Variants in CCSER1 observed in about 807,000 individuals in gnomAD.
The protein encoded by CCSER1 is serine-rich coiled-coil domain-containing protein 1.
Under a neutral mutation model 82.0 loss-of-function variants are expected in CCSER1, and 41 were observed. The observed-to-expected ratio is 0.50, with a 90% CI of 0.39 to 0.65. The LOEUF is 0.65. Among genes scored for constraint, CCSER1 ranks in the 30% least tolerant of loss-of-function variants. The probability of loss-of-function intolerance (pLI) is 0.00; values close to 1 mark genes in which losing one functional copy is unlikely to be tolerated. For synonymous variants in CCSER1, 414 were observed against 383.9 expected, an observed-to-expected ratio of 1.08 and a Z score of -0.92; for missense variants, 1,119 against 1,064.2, an observed-to-expected ratio of 1.05 and a Z score of -0.72.
chr4:91,114,479 T>C (rs935709686), intron 10 of CCSER1, among the ~76,000 whole-genome samples: 12 of 152,172 alleles, frequency 7.9e-5, no homozygotes, highest in Non-Finnish European at 1.2e-4. Flanking sequence ...TAACTCTGCT[T>C]TTGGAGAGTC....
chr4:91,333,096 G>A (rs985189168), intron 10 of CCSER1, among the ~76,000 whole-genome samples: 10 of 151,730 alleles, frequency 6.6e-5, no homozygotes, highest in South Asian at 4.2e-4. Context: ...GGCAATCTTC[G>A]CGAAACATCT....
chr4:90,484,846 C>G (rs554857995), intron 5 of CCSER1, among the ~76,000 whole-genome samples: 4 of 152,344 alleles, frequency 2.6e-5, no homozygotes, highest in African/African-American at 7.2e-5. Flanking sequence ...AGGAGACAGT[C>G]TGCTCATTCT....
chr4:90,150,510 G>T (rs17016581), intron 1 of CCSER1, among the ~76,000 whole-genome samples: 51,987 of 151,784 alleles, frequency 0.34, 11,137 homozygotes, highest in East Asian at 0.65. Flanking sequence ...TGTAGAAAAC[G>T]CACCTTTTGT....
At position 90,364,890 on chromosome 4, in the gene CCSER1, A is replaced by AT. The variant is rs201581634; in HGVS notation, c.1510-35137dup. Among the ~76,000 whole-genome samples the AT allele has an allele frequency of 2.3e-4, 34 of 151,026 alleles. 1 individual carries two copies. The South Asian group carries it at 4.8e-3, about 21-fold the overall frequency. On this transcript the variant is annotated intron_variant, in intron 3 of 10. Transcript: ENST00000509176. The stretch of plus-strand genomic sequence containing the variant: ...GAAACAAAAAATTATAAACTAACCT[A>AT]TTTTTTTTTCATTAATCCATACAAT...
chr4:90,345,104 A>C (rs996993037), intron 3 of CCSER1, among the ~76,000 whole-genome samples: 3 of 152,124 alleles, frequency 2.0e-5, no homozygotes, highest in African/African-American at 7.2e-5. Context: ...TTTTATTGTC[A>C]AAACTAAATA....
At chr4:90,241,149 A>T (rs1300311241) in intron 1 of CCSER1, among the ~76,000 whole-genome samples, 1 of 152,192 alleles carries the variant, frequency 6.6e-6, no homozygotes, top group Admixed American at 6.5e-5. Flanking sequence ...GAGTGCATAG[A>T]TCAATTTGTT....
intron 6 of CCSER1, among the ~76,000 whole-genome samples, chr4:90,649,987 C>T (rs1356999788): frequency 7.9e-5 from 12 of 151,944 alleles, no homozygotes; most frequent in African/African-American, 2.4e-4. Flanking sequence ...GAGGCCAAGA[C>T]GGGCAGATCA....
chr4:91,215,681 G>T (rs774307753), intron 10 of CCSER1, among the ~76,000 whole-genome samples: 3 of 152,120 alleles, frequency 2.0e-5, no homozygotes, highest in Non-Finnish European at 4.4e-5. Context: ...GCCTTTCACA[G>T]TCCACTGACC....
chr4:90,551,706 C>CCATATATA (rs1777521456), intron 5 of CCSER1, among the ~76,000 whole-genome samples: 1 of 104,224 alleles, frequency 9.6e-6, no homozygotes, highest in Admixed American at 1.1e-4. Flanking sequence ...CTCTCTCTCT[C>CCATATATA]TATATATATA....
chr4:90,299,866 C>G (rs1732755574), intron 1 of CCSER1, among the ~76,000 whole-genome samples: 1 of 152,024 alleles, frequency 6.6e-6, no homozygotes, highest in African/African-American at 2.4e-5. Context: ...TGATATCCTA[C>G]TTATTTTAGT....
chr4:91,485,208 C>A (rs1234629497), intron 10 of CCSER1, among the ~76,000 whole-genome samples: 1 of 152,016 alleles, frequency 6.6e-6, no homozygotes, highest in Non-Finnish European at 1.5e-5. Flanking sequence ...AATTTATCAA[C>A]CTTGCTGTCA....
chr4:91,062,795 AAAG>A (rs1389990767), intron 9 of CCSER1, among the ~76,000 whole-genome samples: 1 of 152,094 alleles, frequency 6.6e-6, no homozygotes. Flanking sequence ...TCATCTCACT[AAAG>A]AAGAGAAAAA....
At chr4:90,500,217 T>A (rs1769648237) in intron 5 of CCSER1, among the ~76,000 whole-genome samples, 2 of 152,198 alleles carry the variant, frequency 1.3e-5, no homozygotes, top group Non-Finnish European at 2.9e-5. Context: ...AATATTATTT[T>A]GAAGCCCCAG....
chr4:91,077,335 T>G lies in CCSER1; in HGVS notation c.2173-8615T>G, dbSNP rs560469450. ...TAACTTAACTGCCTGCCAGGAACAATTCTACATCTAAATCAATGCACCTAA... is the reference window on the plus strand; with the variant it reads ...TAACTTAACTGCCTGCCAGGAACAAGTCTACATCTAAATCAATGCACCTAA... On this transcript the variant is annotated intron_variant, in intron 9 of 10. Coordinates refer to ENST00000509176, the MANE Select transcript of CCSER1 (RefSeq NM_001145065.2). Among the ~76,000 whole-genome samples, 25 of 152,298 alleles carry G rather than the reference T, an allele frequency of 1.6e-4. 1 individual carries two copies. The South Asian group carries it at 3.3e-3, about 20-fold the overall frequency.
intron 10 of CCSER1, among the ~76,000 whole-genome samples, chr4:91,250,389 A>T (rs1219676158): frequency 6.6e-6 from 1 of 152,134 alleles, no homozygotes; most frequent in Non-Finnish European, 1.5e-5. Flanking sequence ...TAGCAGAGCT[A>T]AAAAAGAACA....
chr4:91,346,884 C>T (rs931233769), intron 10 of CCSER1, among the ~76,000 whole-genome samples: 2 of 151,984 alleles, frequency 1.3e-5, no homozygotes, highest in Non-Finnish European at 2.9e-5. Flanking sequence ...GGTACCAGTC[C>T]ATTATCAGAT....
intron 10 of CCSER1, among the ~76,000 whole-genome samples, chr4:91,204,345 CAT>C (rs1736165689): frequency 6.6e-6 from 1 of 151,684 alleles, no homozygotes; most frequent in African/African-American, 2.4e-5. Flanking sequence ...AAGGAGCTTG[CAT>C]AAATGGCGAA....
rs36064861 is a variant in CCSER1, at chr4:90,944,231, C to CAAA, written c.2172+20799_2172+20801dup. Among the ~76,000 whole-genome samples the CAAA allele has an allele frequency of 8.3e-3, 884 of 106,896 alleles. 10 individuals carry two copies. Among genetic ancestry groups the CAAA allele is most frequent in the African/African-American group, 0.018 (487 of 27,310 alleles). The allele number at this position is 106,896 out of a possible 152,430, so 70.1% of individuals were successfully genotyped here. Reference sequence around the variant, plus strand: ...TGGGTGACAGAGCGAGACTCCGCCTCAAAAAAAAAAAAAAAAATTGAAAAA... The same window carrying CAAA: ...TGGGTGACAGAGCGAGACTCCGCCTCAAAAAAAAAAAAAAAAAAAATTGAAAAA... On this transcript the variant is annotated intron_variant, in intron 9 of 10. Transcript: ENST00000509176.
intron 10 of CCSER1, among the ~76,000 whole-genome samples, chr4:91,420,278 A>G (rs927329414): frequency 3.3e-5 from 5 of 152,112 alleles, no homozygotes; most frequent in Non-Finnish European, 7.4e-5. Context: ...AGGAGAAAAT[A>G]TCTGCAAACT....
Sources: allele counts gnomAD v4.1 joint callset (sites outside exome capture counted in the v4.1 genomes callset), GRCh38; gene constraint gnomAD v4.1.1; transcripts MANE v1.5; gene names NCBI Gene and HGNC (gene_info 2026-07-23, HGNC 2026-07-21).